The following CDH12 variants were observed in gnomAD, a reference collection of about 807,000 sequenced individuals.
CDH12 encodes the protein cadherin 12.
Under a neutral mutation model 74.1 loss-of-function variants are expected in CDH12, and 41 were observed. That is an observed-to-expected ratio of 0.55 (90% CI 0.43 to 0.72). The LOEUF (loss-of-function observed/expected upper bound fraction) is 0.72, where lower values mean the gene tolerates loss of function less well. Among genes scored for constraint, CDH12 ranks in the 30% least tolerant of loss-of-function variants. The pLI, the probability that CDH12 is intolerant of heterozygous loss-of-function variation, is 0.00. For synonymous variants in CDH12, 399 were observed against 355.0 expected (o/e 1.12, Z -1.39); for missense variants, 945 against 977.2 (o/e 0.97, Z 0.44).
At chr5:21,882,391 G>GA (rs1011085233) in intron 6 of CDH12, among the ~76,000 whole-genome samples, 2 of 152,096 alleles carry the variant, frequency 1.3e-5, no homozygotes, top group African/African-American at 2.4e-5. Flanking sequence ...TTTTAAATCA[G>GA]AAAAAAACAG....
chr5:22,393,396 G>T (rs113546316), intron 3 of CDH12, among the ~76,000 whole-genome samples: 5,489 of 152,176 alleles, frequency 0.036, 115 homozygotes, highest in African/African-American at 0.055. Context: ...TTCGATTTAA[G>T]ACTTCCAGCC....
At chr5:22,691,474 T>G (rs1163144425) in intron 1 of CDH12, among the ~76,000 whole-genome samples, 1 of 152,198 alleles carries the variant, frequency 6.6e-6, no homozygotes, top group African/African-American at 2.4e-5. Context: ...CTGGTTTACT[T>G]CTGCTAAAAA....
chr5:21,834,127 C>G (rs939618454), intron 8 of CDH12, among the ~76,000 whole-genome samples: 1 of 151,058 alleles, frequency 6.6e-6, no homozygotes, highest in African/African-American at 2.5e-5. Context: ...TACCTGAATA[C>G]AAGGTCATAG....
rs149516339 is a variant in CDH12, at chr5:22,514,467, T to C, written c.-522-9103A>G. On this transcript the variant is annotated intron_variant, in intron 1 of 14. Coordinates refer to ENST00000382254, the MANE Select transcript of CDH12 (RefSeq NM_004061.5). Reference sequence around the variant, plus strand: ...GAAGCTGGCACAGGTTGAAGGTGGATTGGAGAAAACCAGAAATAACCAGAT... The same window carrying C: ...GAAGCTGGCACAGGTTGAAGGTGGACTGGAGAAAACCAGAAATAACCAGAT... Among the ~76,000 whole-genome samples the C allele has an allele frequency of 9.0e-4, 136 of 151,932 alleles. 2 individuals carry two copies. The highest frequency in any genetic ancestry group is 3.1e-3 in the African/African-American group (130 of 41,440).
At chr5:21,833,022 A>AAT (rs368612858) in intron 8 of CDH12, among the ~76,000 whole-genome samples, 17,881 of 51,368 alleles carry the variant, frequency 0.35, 4,760 homozygotes, top group African/African-American at 0.75. Flanking sequence ...TATATGATAT[A>AAT]ATATATAATA....
At chr5:22,699,686 G>A (rs1209231443) in intron 1 of CDH12, among the ~76,000 whole-genome samples, 1 of 152,086 alleles carries the variant, frequency 6.6e-6, no homozygotes, top group Admixed American at 6.6e-5. Context: ...AAATGTACAT[G>A]TAAATATAAG....
intron 6 of CDH12, among the ~76,000 whole-genome samples, chr5:21,895,226 C>T (rs185010364): frequency 2.6e-5 from 4 of 152,236 alleles, no homozygotes; most frequent in Admixed American, 1.3e-4. Flanking sequence ...GAATGTATCT[C>T]CCCCTCACAC....
chr5:22,660,445 G>A (rs1389197879), intron 1 of CDH12, among the ~76,000 whole-genome samples: 3 of 152,226 alleles, frequency 2.0e-5, no homozygotes, highest in Admixed American at 6.5e-5. Context: ...CTCTCTTATC[G>A]GTCTGTGTTG....
intron 3 of CDH12, among the ~76,000 whole-genome samples, chr5:22,376,483 T>C (rs1371859191): frequency 6.6e-6 from 1 of 152,122 alleles, no homozygotes; most frequent in Non-Finnish European, 1.5e-5. Context: ...AGAAATGACA[T>C]ATTCTCATTG....
chr5:22,407,729 CA>C (rs1743000648), intron 2 of CDH12, among the ~76,000 whole-genome samples: 1 of 152,030 alleles, frequency 6.6e-6, no homozygotes, highest in Admixed American at 6.6e-5. Flanking sequence ...CTAGTTTGCT[CA>C]AGGACTTTGG....
intron 12 of CDH12, among the ~76,000 whole-genome samples, chr5:21,764,138 G>A (rs1234899915): frequency 1.3e-5 from 2 of 152,154 alleles, no homozygotes; most frequent in African/African-American, 4.8e-5. Context: ...ACTTTGGGAG[G>A]CCGAGGCAGG....
At chr5:22,517,390 T>C (rs1184117452) in intron 1 of CDH12, among the ~76,000 whole-genome samples, 1 of 152,184 alleles carries the variant, frequency 6.6e-6, no homozygotes, top group East Asian at 1.9e-4. Context: ...ATCACTTTTA[T>C]GTTTATCACT....
At chr5:22,560,597 A>T (rs1472453439) in intron 1 of CDH12, among the ~76,000 whole-genome samples, 2 of 152,170 alleles carry the variant, frequency 1.3e-5, no homozygotes, top group African/African-American at 4.8e-5. Flanking sequence ...TTAAATTTTT[A>T]AATATTTGCA....
chr5:21,762,496 T>C (rs1253719915), intron 12 of CDH12, among the ~76,000 whole-genome samples: 1 of 152,102 alleles, frequency 6.6e-6, no homozygotes, highest in East Asian at 1.9e-4. Context: ...AGAACATATA[T>C]ACATTTCTCA....
At chr5:22,082,305 T>C (rs2150229457) in intron 4 of CDH12, among the ~76,000 whole-genome samples, 1 of 152,338 alleles carries the variant, frequency 6.6e-6, no homozygotes, top group African/African-American at 2.4e-5. Flanking sequence ...TGGCTTCTCT[T>C]TGGCATATCC....
Position 21,832,736 on chromosome 5 carries a change from T to C in CDH12, c.814+9425A>G, listed in dbSNP as rs971990570. Among the ~76,000 whole-genome samples the C allele has an allele frequency of 8.6e-5, 12 of 139,764 alleles. No individual in the cohort carries two copies. In the East Asian group the frequency reaches 2.0e-3, roughly 24 times the overall value. 91.7% of individuals were successfully genotyped at this position (139,764 alleles called of 152,430 possible). A position where few individuals can be genotyped will look rare whatever the true frequency, so the allele number is the denominator to read the frequency against. ...GAGTAATGGAAATGCTTATTATATA[T>C]GAGACACATGATACATATCATATAT... On this transcript the variant is annotated intron_variant, in intron 8 of 14. Transcript: ENST00000382254.
chr5:22,538,976 G>A (rs1737981780), intron 1 of CDH12, among the ~76,000 whole-genome samples: 1 of 152,156 alleles, frequency 6.6e-6, no homozygotes, highest in Non-Finnish European at 1.5e-5. Context: ...GCTCACTGCA[G>A]CCTCAAACTC....
chr5:22,163,072 A>G (rs1748461276), intron 4 of CDH12, among the ~76,000 whole-genome samples: 2 of 151,610 alleles, frequency 1.3e-5, no homozygotes, highest in African/African-American at 2.4e-5. Flanking sequence ...AATTTTTTGT[A>G]TTTTTAGTAG....
At chr5:22,187,150 ACACT>A (rs1360762329) in intron 4 of CDH12, among the ~76,000 whole-genome samples, 3 of 152,340 alleles carry the variant, frequency 2.0e-5, no homozygotes, top group African/African-American at 7.2e-5. Context: ...TCTTATGCAA[ACACT>A]CACACGAGCA....
Sources: gnomAD v4.1 joint callset for allele counts (sites outside exome capture counted in the v4.1 genomes callset) on GRCh38, gnomAD v4.1.1 for gene constraint, MANE v1.5 for transcripts, NCBI Gene and HGNC (gene_info 2026-07-23, HGNC 2026-07-21) for gene names.